Variants in TMEFF2 observed in about 807,000 individuals in gnomAD.
TMEFF2 encodes tomoregulin-2.
TMEFF2 carries 28 observed loss-of-function variants against 53.8 expected under a neutral mutation model. The ratio of observed to expected loss-of-function variants is 0.52; its 90% CI spans 0.39 to 0.71. The LOEUF (loss-of-function observed/expected upper bound fraction) is 0.71, where lower values mean the gene tolerates loss of function less well. Among genes scored for constraint, TMEFF2 ranks in the 30% least tolerant of loss-of-function variants. The probability of loss-of-function intolerance (pLI) is 0.00; values close to 1 mark genes in which losing one functional copy is unlikely to be tolerated. For missense variants in TMEFF2, 353 were observed against 455.2 expected, an observed-to-expected ratio of 0.78 and a Z score of 2.04; for synonymous variants, 162 against 166.3, an observed-to-expected ratio of 0.97 and a Z score of 0.20.
chr2:192,143,619 C>G (rs978545507), intron 4 of TMEFF2, among the ~76,000 whole-genome samples: 1 of 152,044 alleles, frequency 6.6e-6, no homozygotes, highest in Non-Finnish European at 1.5e-5. Flanking sequence ...TAGACAGTCA[C>G]ATAATAAATA....
chr2:192,192,171 C>T (rs1691478186), intron 1 of TMEFF2, among the ~76,000 whole-genome samples, 182 bp from the exon 2 acceptor site: 1 of 152,166 alleles, frequency 6.6e-6, no homozygotes, highest in African/African-American at 2.4e-5. Flanking sequence ...ATATTCGTTT[C>T]CATTTTCCAC....
intron 4 of TMEFF2, among the ~76,000 whole-genome samples, chr2:192,077,781 T>A (rs941421935): frequency 1.4e-5 from 2 of 145,306 alleles, no homozygotes; most frequent in African/African-American, 4.9e-5. Context: ...CTTGTACACA[T>A]ACAATTTTAT....
At chr2:192,104,181 C>T (rs139715366) in intron 4 of TMEFF2, among the ~76,000 whole-genome samples, 46 of 152,184 alleles carry the variant, frequency 3.0e-4, no homozygotes, top group African/African-American at 1.0e-3. Context: ...TTTCTAAGTA[C>T]GCTGAATTTA....
chr2:192,149,989 A>C (rs1690345658), intron 4 of TMEFF2, among the ~76,000 whole-genome samples: 1 of 151,968 alleles, frequency 6.6e-6, no homozygotes, highest in Non-Finnish European at 1.5e-5. Flanking sequence ...TTATACAGCA[A>C]TTCTTTGTAA....
chr2:192,166,668 C>A (rs1690776425), intron 4 of TMEFF2, among the ~76,000 whole-genome samples: 1 of 152,150 alleles, frequency 6.6e-6, no homozygotes, highest in African/African-American at 2.4e-5. Flanking sequence ...TCAGGCTCCA[C>A]ATGCCCTGCA....
intron 2 of TMEFF2, among the ~76,000 whole-genome samples, chr2:192,186,495 G>A (rs1223330824): frequency 6.6e-6 from 1 of 152,134 alleles, no homozygotes. Context: ...ATGTAGGTAG[G>A]ATTATGTTGA....
chr2:192,079,778 A>G (rs570159216), intron 4 of TMEFF2, among the ~76,000 whole-genome samples: 1 of 152,104 alleles, frequency 6.6e-6, no homozygotes, highest in Admixed American at 6.5e-5. Flanking sequence ...CTTGTTTTTT[A>G]TTAGTTTTTA....
intron 4 of TMEFF2, among the ~76,000 whole-genome samples, chr2:192,117,712 T>G (rs551315153): frequency 6.6e-6 from 1 of 152,156 alleles, no homozygotes; most frequent in East Asian, 1.9e-4. Context: ...TCTGATTGGT[T>G]TCTATCTCAC....
intron 4 of TMEFF2, among the ~76,000 whole-genome samples, chr2:192,093,660 A>C (rs1198411756): frequency 6.6e-6 from 1 of 152,110 alleles, no homozygotes; most frequent in Non-Finnish European, 1.5e-5. Flanking sequence ...GAATCTCCAT[A>C]GAAAATTGTA....
chr2:192,074,090 A>G (rs988922295), intron 4 of TMEFF2, among the ~76,000 whole-genome samples: 1 of 151,970 alleles, frequency 6.6e-6, no homozygotes, highest in Non-Finnish European at 1.5e-5. Context: ...TCAGATGACT[A>G]AAAGAGTGGG....
At position 191,950,196 on chromosome 2, in the gene TMEFF2, A is replaced by AT. The variant is rs1691828002; in HGVS notation, c.*114dup. 6.5e-7 allele frequency: 1 copy of AT among 1,528,672 alleles called. No individual in the cohort carries two copies. Among genetic ancestry groups the AT allele is most frequent in the Admixed American group, 2.1e-5 (1 of 47,874 alleles). 94.7% of individuals were successfully genotyped at this position (1,528,672 alleles called of 1,614,324 possible). On this transcript the variant is annotated 3_prime_UTR_variant, in exon 10 of 10. Transcript: ENST00000272771. ...GTAGTACATGTTTTCATTGGTGTAG[A>AT]TTACCACAAATGCAAGGCAACATGT... is the stretch of plus-strand genomic sequence containing the variant.
intron 7 of TMEFF2, among the ~76,000 whole-genome samples, chr2:191,963,363 T>A (rs1018209035): frequency 3.3e-5 from 5 of 152,240 alleles, no homozygotes; most frequent in African/African-American, 1.2e-4. Flanking sequence ...CTTAGTGAGC[T>A]TCATTGGTGA....
In TMEFF2 at chr2:191,950,131, A is replaced by G. The variant is rs569493246; in HGVS notation, c.*180T>C. The G allele has an allele frequency of 5.1e-6, 7 of 1,377,934 alleles. No homozygotes were observed. In the African/African-American group the frequency reaches 8.7e-5, roughly 17 times the overall value. 85.4% of individuals were successfully genotyped at this position (1,377,934 alleles called of 1,614,324 possible). On this transcript the variant is annotated 3_prime_UTR_variant, in exon 10 of 10. Coordinates refer to ENST00000272771, the MANE Select transcript of TMEFF2 (RefSeq NM_016192.4). Reference sequence around the variant, plus strand: ...TACAGAAAAAACATCAAGACAATGTATACTATTTCAAATATATCCATACAT... The same window carrying G: ...TACAGAAAAAACATCAAGACAATGTGTACTATTTCAAATATATCCATACAT...
Position 192,086,738 on chromosome 2 carries a change from T to C in TMEFF2, c.440-28963A>G, listed in dbSNP as rs550575624. Among the ~76,000 whole-genome samples, 10 of 152,264 alleles carry C rather than the reference T, an allele frequency of 6.6e-5. No homozygotes were observed. The South Asian group carries it at 2.1e-3, about 32-fold the overall frequency. ...CTTAAGTTCACACGTCTTTAATTCATTGTGGAATATACTTCCTATTGTTTT... is the reference window on the plus strand; with the variant it reads ...CTTAAGTTCACACGTCTTTAATTCACTGTGGAATATACTTCCTATTGTTTT... On this transcript the variant is annotated intron_variant, in intron 4 of 9. Transcript: ENST00000272771.
At chr2:192,014,719 T>A (rs772189903) in intron 5 of TMEFF2, among the ~76,000 whole-genome samples, 1 of 152,216 alleles carries the variant, frequency 6.6e-6, no homozygotes, top group African/African-American at 2.4e-5. Flanking sequence ...TCTATTTCAT[T>A]TCAAAGATGC....
At chr2:192,134,753 G>T (rs182294221) in intron 4 of TMEFF2, among the ~76,000 whole-genome samples, 220 of 152,232 alleles carry the variant, frequency 1.4e-3, no homozygotes, top group Non-Finnish European at 2.2e-3. Flanking sequence ...GGTCTGAGAA[G>T]GCCACCGCAG....
rs35695147 is a variant in TMEFF2 at position 192,049,151 on chromosome 2, C to CTGTGTGTGTGTG, written c.536+8527_536+8528insCACACACACACA. ...AATATATAAGATAGATACATTTGGT[C>CTGTGTGTGTGTG]TATGTGTGTGTGTGTGTGTGTGCAT... On this transcript the variant is annotated intron_variant, in intron 5 of 9. Coordinates refer to ENST00000272771, the MANE Select transcript of TMEFF2 (RefSeq NM_016192.4). Among the ~76,000 whole-genome samples, 6 of 114,116 alleles carry CTGTGTGTGTGTG rather than the reference C, an allele frequency of 5.3e-5. No homozygotes were observed. The East Asian group carries it at 1.2e-3, about 23-fold the overall frequency. The allele number at this position is 114,116 out of a possible 152,430, so 74.9% of individuals were successfully genotyped here.
intron 7 of TMEFF2, among the ~76,000 whole-genome samples, chr2:191,987,920 T>C (rs1686017058): frequency 6.6e-6 from 1 of 152,182 alleles, no homozygotes; most frequent in South Asian, 2.1e-4. Flanking sequence ...AGTGGTATTA[T>C]TTTCCTGATG....
chr2:191,974,510 T>C (rs1214735873), intron 7 of TMEFF2, among the ~76,000 whole-genome samples: 1 of 152,056 alleles, frequency 6.6e-6, no homozygotes, highest in African/African-American at 2.4e-5. Context: ...GATTTGAGAA[T>C]AGTAGAAAAT....
Sources: allele counts gnomAD v4.1 joint callset (sites outside exome capture counted in the v4.1 genomes callset), GRCh38; gene constraint gnomAD v4.1.1; transcripts MANE v1.5; gene names NCBI Gene and HGNC (gene_info 2026-07-23, HGNC 2026-07-21).